TRDN: variants seen among roughly 807,000 people sequenced by gnomAD.
TRDN encodes the protein triadin.
Under a neutral mutation model 149.7 loss-of-function variants are expected in TRDN, and 161 were observed. The observed-to-expected ratio is 1.08, with a 90% CI of 0.95 to 1.23. The LOEUF is 1.23. Among genes scored for constraint, TRDN ranks in the 50% most tolerant of loss-of-function variants. The pLI is 0.00. For synonymous variants in TRDN, 294 were observed against 250.5 expected, an observed-to-expected ratio of 1.17 and a Z score of -1.64; for missense variants, 896 against 823.5, an observed-to-expected ratio of 1.09 and a Z score of -1.08.
chr6:123,234,133 T>G (rs1477680293), intron 38 of TRDN, among the ~76,000 whole-genome samples: 1 of 152,116 alleles, frequency 6.6e-6, no homozygotes, highest in African/African-American at 2.4e-5. Flanking sequence ...CTGACGCTAG[T>G]TTCCCTGGTA....
chr6:123,265,450 AAACTT>A (rs1776909468), intron 32 of TRDN, 112 bp from the exon 33 acceptor site: 1 of 623,432 alleles, frequency 1.6e-6, no homozygotes, highest in Admixed American at 4.0e-5. Flanking sequence ...AAATAAGACT[AAACTT>A]ATATCAACAA....
At chr6:123,346,819 A>G (rs1780268702) in intron 21 of TRDN, among the ~76,000 whole-genome samples, 1 of 152,060 alleles carries the variant, frequency 6.6e-6, no homozygotes, top group Non-Finnish European at 1.5e-5. Context: ...CCACATAGAC[A>G]GATTAAATAC....
At chr6:123,531,199 T>C (rs2114342452) in intron 4 of TRDN, among the ~76,000 whole-genome samples, 1 of 152,094 alleles carries the variant, frequency 6.6e-6, no homozygotes, top group East Asian at 1.9e-4. Context: ...GCTAAGAAAA[T>C]GGAGTTAATT....
At position 123,331,925 on chromosome 6, in the gene TRDN, A is replaced by G. The variant is rs1350443219; in HGVS notation, c.1425T>C (p.Pro475=). 3.2e-6 allele frequency: 5 copies of G among 1,541,422 alleles called. No homozygotes were observed. Among genetic ancestry groups the G allele is most frequent in the East Asian group, 2.4e-5 (1 of 42,146 alleles). The change falls in exon 23 of 41, where the codon CCT becomes CCC. Residue 475 remains proline, a synonymous_variant. Transcript: ENST00000334268. ...GAACTTTCTCTTCTTTCCCTTTAAT[A>G]GGTTCTGAAAAGAAACATCGGACAT... ...KTSSILKDKE[P]IKGKEEKVPA...
intron 2 of TRDN, among the ~76,000 whole-genome samples, chr6:123,569,155 G>C (rs991644792): frequency 5.3e-5 from 8 of 152,122 alleles, no homozygotes; most frequent in Non-Finnish European, 7.3e-5. Context: ...TCTCAGGTCC[G>C]TACTTCTACA....
At chr6:123,421,646 T>C (rs552532854) in intron 12 of TRDN, 88 of 152,288 alleles carry the variant, frequency 5.8e-4, no homozygotes, top group African/African-American at 2.0e-3. Flanking sequence ...AGGCTTTGCA[T>C]AGGTGAGCGC....
chr6:123,496,065 TTATTAA>T (rs1778431619), intron 9 of TRDN, among the ~76,000 whole-genome samples: 1 of 146,238 alleles, frequency 6.8e-6, no homozygotes, highest in African/African-American at 2.5e-5. Context: ...ATCATTAATA[TTATTAA>T]TATTAATATA....
chr6:123,373,156 A>G (rs111997853), intron 19 of TRDN, among the ~76,000 whole-genome samples: 75 of 152,232 alleles, frequency 4.9e-4, no homozygotes, highest in African/African-American at 1.7e-3. Flanking sequence ...CCTGAATCTC[A>G]TCTTCAATTC....
intron 33 of TRDN, among the ~76,000 whole-genome samples, chr6:123,262,681 C>G (rs1322564032): frequency 6.6e-6 from 1 of 152,014 alleles, no homozygotes; most frequent in African/African-American, 2.4e-5. Flanking sequence ...TGTAATTTTT[C>G]CAATGGCGTT....
rs770488451 is a variant in TRDN, at chr6:123,571,075, G to A, written c.80C>T (p.Ser27Phe). 1.9e-6 allele frequency: 3 copies of A among 1,613,978 alleles called. No individual in the cohort carries two copies. Among genetic ancestry groups the A allele is most frequent in the South Asian group, 1.1e-5 (1 of 91,088 alleles). ...IDSKNGSVPK[S>F]PGKVLKRTVT... ...TGTCCTCTTCAGCACTTTTCCGGGGGATTTGGGCACAGATCCATTTTTGCT... is the reference window on the plus strand; with the variant it reads ...TGTCCTCTTCAGCACTTTTCCGGGGAATTTGGGCACAGATCCATTTTTGCT... The change falls in exon 2 of 41, where the codon TCC (serine) becomes TTC (phenylalanine). Residue 27 changes from serine to phenylalanine, a missense_variant. Physicochemically the swap from Ser to Phe is radical, Grantham distance 155. Coordinates refer to ENST00000334268, the MANE Select transcript of TRDN (RefSeq NM_006073.4).
chr6:123,590,454 A>G (rs1392810714), intron 1 of TRDN, among the ~76,000 whole-genome samples: 2 of 152,138 alleles, frequency 1.3e-5, no homozygotes, highest in Non-Finnish European at 2.9e-5. Flanking sequence ...ATTTTATTAT[A>G]TATTACAATG....
chr6:123,311,030 C>T (rs1778797992), intron 24 of TRDN, among the ~76,000 whole-genome samples: 1 of 151,796 alleles, frequency 6.6e-6, no homozygotes, highest in Admixed American at 6.6e-5. Flanking sequence ...TACAAGAAGA[C>T]CTGGACAATG....
At chr6:123,267,115 G>A (rs76406529) in intron 32 of TRDN, among the ~76,000 whole-genome samples, 1,920 of 30,422 alleles carry the variant, frequency 0.063, 14 homozygotes, top group East Asian at 0.12. Flanking sequence ...AAAAAAAAAA[G>A]AAGTAACAGT....
At chr6:123,296,956 A>G (rs1778224640) in intron 24 of TRDN, among the ~76,000 whole-genome samples, 1 of 152,106 alleles carries the variant, frequency 6.6e-6, no homozygotes, top group African/African-American at 2.4e-5. Context: ...TAGAAAAGTG[A>G]CCTGATAGAT....
intron 24 of TRDN, among the ~76,000 whole-genome samples, chr6:123,297,532 A>G (rs1352660335): frequency 6.6e-6 from 1 of 152,064 alleles, no homozygotes; most frequent in African/African-American, 2.4e-5. Flanking sequence ...TAATTATCCA[A>G]TCATTCATTC....
At chr6:123,585,115 T>G in intron 1 of TRDN, among the ~76,000 whole-genome samples, 1 of 147,960 alleles carries the variant, frequency 6.8e-6, no homozygotes, top group Non-Finnish European at 1.5e-5. Context: ...AAGGAGGGAG[T>G]AGAGGTATCT....
chr6:123,424,213 C>T (rs879828851), intron 12 of TRDN, among the ~76,000 whole-genome samples: 1 of 152,128 alleles, frequency 6.6e-6, no homozygotes, highest in Non-Finnish European at 1.5e-5. Flanking sequence ...GTTACCAAGG[C>T]ATCAAACTGA....
chr6:123,438,619 C>A (rs1359639835), intron 11 of TRDN, among the ~76,000 whole-genome samples: 1 of 151,964 alleles, frequency 6.6e-6, no homozygotes, highest in African/African-American at 2.4e-5. Flanking sequence ...TAAAATTAGA[C>A]TGAATTAGTT....
rs920930434 is a variant in TRDN at position 123,445,463 on chromosome 6, A to G, written c.932-6460T>C. Among the ~76,000 whole-genome samples, 7 of 123,786 alleles carry G rather than the reference A, an allele frequency of 5.7e-5. 1 individual carries two copies. The highest frequency in any genetic ancestry group is 2.6e-4 in the African/African-American group (7 of 27,010). 81.2% of individuals were successfully genotyped at this position (123,786 alleles called of 152,430 possible). On this transcript the variant is annotated intron_variant, in intron 10 of 40. Coordinates refer to ENST00000334268, the MANE Select transcript of TRDN (RefSeq NM_006073.4). ...AGTGAACAGGCAACTACAAAATGGG[A>G]GAAAATTTTCGCAACCTACTCATCT...
Sources: gnomAD v4.1 joint callset for allele counts (sites outside exome capture counted in the v4.1 genomes callset) on GRCh38, gnomAD v4.1.1 for gene constraint, MANE v1.5 for transcripts, NCBI Gene and HGNC (gene_info 2026-07-23, HGNC 2026-07-21) for gene names.